The following PITPNM2 variants were observed in gnomAD, a reference collection of about 807,000 sequenced individuals.
The protein encoded by PITPNM2 is phosphatidylinositol transfer protein membrane associated 2, also known as membrane-associated phosphatidylinositol transfer protein 2.
A neutral mutation model predicts 132.2 loss-of-function variants in PITPNM2; 35 were observed. The observed-to-expected ratio is 0.26, with a 90% CI of 0.20 to 0.35. The LOEUF (loss-of-function observed/expected upper bound fraction) is 0.35, where lower values mean the gene tolerates loss of function less well. Among genes scored for constraint, PITPNM2 ranks in the 10% least tolerant of loss-of-function variants. PITPNM2 has a pLI of 1.00. For synonymous variants in PITPNM2, 738 were observed against 799.2 expected, an observed-to-expected ratio of 0.92 and a Z score of 1.29; for missense variants, 1,332 against 1,912.0, an observed-to-expected ratio of 0.70 and a Z score of 5.66.
intron 5 of PITPNM2, among the ~76,000 whole-genome samples, chr12:123,012,009 G>T (rs1011941849): frequency 2.6e-5 from 4 of 152,238 alleles, no homozygotes; most frequent in African/African-American, 9.6e-5. Context: ...CCTCCACAGT[G>T]ACTTGGGCCT....
rs145843486 is a variant in PITPNM2 at position 123,128,198 on chromosome 12, G to A, written c.-199-17710C>T. Among the ~76,000 whole-genome samples, 7 of 134,386 alleles carry A rather than the reference G, an allele frequency of 5.2e-5. No homozygotes were observed. The East Asian group carries it at 1.4e-3, about 27-fold the overall frequency. The allele number at this position is 134,386 out of a possible 152,430, so 88.2% of individuals were successfully genotyped here. A position where few individuals can be genotyped will look rare whatever the true frequency, so the allele number is the denominator to read the frequency against. On this transcript the variant is annotated intron_variant, in intron 1 of 25. Transcript: ENST00000320201. ...TATAATCCTACCACTTTGGGAGGCC[G>A]AGGGGGATCACTTAAGCTCAGGCAT...
chr12:123,070,382 C>T (rs894363096), intron 2 of PITPNM2, among the ~76,000 whole-genome samples: 2 of 152,178 alleles, frequency 1.3e-5, no homozygotes, highest in African/African-American at 4.8e-5. Context: ...ATCCAAGGGC[C>T]CCAGGACCGT....
In PITPNM2 at chr12:123,031,308, A is replaced by C. The variant is rs1294886401; in HGVS notation, c.78+3205T>G. ...TTGCCCCTCAGAGGGCACACGACCT[A>C]TGGGCCTGGCAATATCTTGGAGCTC... On this transcript the variant is annotated intron_variant, in intron 3 of 25. Coordinates refer to ENST00000320201, the MANE Select transcript of PITPNM2 (RefSeq NM_020845.3). This position sits in a 1 kb window ranked among gnomAD's most constrained non-coding sequence, Gnocchi z 4.5. 6.6e-6 allele frequency among the ~76,000 whole-genome samples: 1 copy of C among 152,202 alleles called. No individual in the cohort carries two copies. The highest frequency in any genetic ancestry group is 1.5e-5 in the Non-Finnish European group (1 of 68,026).
At chr12:122,995,023 C>G in intron 14 of PITPNM2, 44 bp from the exon 15 acceptor site, 1 of 1,514,310 alleles carries the variant, frequency 6.6e-7, no homozygotes, top group South Asian at 1.2e-5. Context: ...GGTGCAGCTG[C>G]CATCATCTGC....
chr12:123,081,737 C>G (rs1014746547), intron 2 of PITPNM2: 1 of 152,224 alleles, frequency 6.6e-6, no homozygotes, highest in Non-Finnish European at 1.5e-5. Context: ...CGGGAGCAGA[C>G]CCAGGGGAAG....
intron 2 of PITPNM2, among the ~76,000 whole-genome samples, chr12:123,080,822 C>T (rs548750332): frequency 4.0e-4 from 61 of 152,328 alleles, no homozygotes; most frequent in African/African-American, 1.4e-3. Flanking sequence ...ATCTCTACCC[C>T]ATGGGTTTGC....
intron 5 of PITPNM2, among the ~76,000 whole-genome samples, chr12:123,011,926 TG>T (rs71085867): frequency 2.8e-4 from 43 of 151,510 alleles, no homozygotes; most frequent in Middle Eastern, 6.8e-3. Context: ...CCAGCAGAGG[TG>T]GGGGGGTTGG....
At chr12:123,014,133 A>C in intron 3 of PITPNM2, 91 bp from the exon 4 acceptor site, 1 of 1,393,642 alleles carries the variant, frequency 7.2e-7, no homozygotes, top group Middle Eastern at 2.4e-4. Flanking sequence ...GGGGTGTGGA[A>C]AGGGAGGAGG....
chr12:123,033,519 C>T (rs2040163697), intron 3 of PITPNM2, among the ~76,000 whole-genome samples: 2 of 152,194 alleles, frequency 1.3e-5, no homozygotes, highest in African/African-American at 4.8e-5. Flanking sequence ...AGGAGCCTGT[C>T]ATCCTCAAAC....
At chr12:123,129,343 C>A (rs929832782) in intron 1 of PITPNM2, among the ~76,000 whole-genome samples, 1 of 151,868 alleles carries the variant, frequency 6.6e-6, no homozygotes, top group African/African-American at 2.4e-5. Context: ...CCGAGGCGGG[C>A]GGATCACGAG....
At chr12:123,071,945 G>T (rs2041631988) in intron 2 of PITPNM2, among the ~76,000 whole-genome samples, 1 of 152,178 alleles carries the variant, frequency 6.6e-6, no homozygotes, top group Admixed American at 6.5e-5. Flanking sequence ...CTAGAGTCCT[G>T]GAAAGGGGAC....
chr12:123,135,388 C>A (rs1238913315), intron 1 of PITPNM2, among the ~76,000 whole-genome samples: 2 of 152,126 alleles, frequency 1.3e-5, no homozygotes, highest in Admixed American at 1.3e-4. Context: ...CATATGACCC[C>A]CCCCCTTAAC....
chr12:123,024,122 T>C lies in PITPNM2; in HGVS notation c.79-10080A>G, dbSNP rs574795948. On this transcript the variant is annotated intron_variant, in intron 3 of 25. Transcript: ENST00000320201. ...AGTAAGAATAATAAAGGCAAAGAAC[T>C]TGAACAGACATTTCTACAAAAAGAT... 3.3e-5 allele frequency among the ~76,000 whole-genome samples: 5 copies of C among 152,248 alleles called. No homozygotes were observed. The South Asian group carries it at 1.0e-3, about 32-fold the overall frequency.
intron 2 of PITPNM2, among the ~76,000 whole-genome samples, chr12:123,057,460 G>C (rs1028564510): frequency 6.6e-6 from 1 of 151,934 alleles, no homozygotes; most frequent in Non-Finnish European, 1.5e-5. Flanking sequence ...GAAGAACTAA[G>C]GAAAGAATGT....
At chr12:123,057,722 G>A (rs1159933606) in intron 2 of PITPNM2, among the ~76,000 whole-genome samples, 1 of 152,160 alleles carries the variant, frequency 6.6e-6, no homozygotes, top group Non-Finnish European at 1.5e-5. Flanking sequence ...ACAAGCGGCT[G>A]AGCCTCCTGG....
rs746018318 is a variant in PITPNM2 at position 123,000,810 on chromosome 12, C to T, written c.1192G>A (p.Ala398Thr). The T allele has an allele frequency of 3.1e-6, 5 of 1,614,080 alleles. No homozygotes were observed. The South Asian group carries it at 4.4e-5, about 14-fold the overall frequency. Reference sequence around the variant, plus strand: ...ATGTTCAGCTGCTCCACACTGGAGGCCACCCTGAACTCAGGGGCACCCTGG... The same window carrying T: ...ATGTTCAGCTGCTCCACACTGGAGGTCACCCTGAACTCAGGGGCACCCTGG... ...YRQGAPEFRV[A>T]SSVEQLNIIE... is the part of the protein sequence containing the mutation. Residue 398 changes from alanine (A) to threonine (T), a missense_variant, in exon 10 of 26, where the codon GCC (alanine) becomes ACC (threonine). Ala to Thr is a moderately conservative substitution (Grantham distance 58). Coordinates refer to ENST00000320201, the MANE Select transcript of PITPNM2 (RefSeq NM_020845.3). This position sits in a 1 kb window ranked among gnomAD's most constrained non-coding sequence, Gnocchi z 5.4.
chr12:122,984,650 C>A lies in PITPNM2; in HGVS notation c.*1377G>T, dbSNP rs1451404922. 6.6e-6 allele frequency: 1 copy of A among 152,242 alleles called. No homozygotes were observed. The highest frequency in any genetic ancestry group is 1.5e-5 in the Non-Finnish European group (1 of 68,078). 9.4% of individuals were successfully genotyped at this position (152,242 alleles called of 1,614,324 possible). A position where few individuals can be genotyped will look rare whatever the true frequency, so the allele number is the denominator to read the frequency against. On this transcript the variant is annotated 3_prime_UTR_variant, in exon 26 of 26. Transcript: ENST00000320201. ...GAAAAAGTTAACATCACTCTGTGCA[C>A]CTCCCCAGCCCGGTCCATGCGTCCC...
At chr12:122,987,214 G>C (rs1403675454) in intron 23 of PITPNM2, 67 bp downstream of exon 23, 1 of 1,591,466 alleles carries the variant, frequency 6.3e-7, no homozygotes, top group African/African-American at 1.3e-5. Flanking sequence ...TCCTCCACCT[G>C]GCTGGTGGGA....
intron 2 of PITPNM2, among the ~76,000 whole-genome samples, chr12:123,040,680 C>T (rs1367950434): frequency 6.6e-6 from 1 of 151,536 alleles, no homozygotes; most frequent in East Asian, 1.9e-4. Flanking sequence ...TCATGTAGAA[C>T]ATGATACTTT....
Sources: gnomAD v4.1 joint callset for allele counts (sites outside exome capture counted in the v4.1 genomes callset) on GRCh38, gnomAD v4.1.1 for gene constraint, Gnocchi (gnomAD v3.1) non-coding constraint, MANE v1.5 for transcripts, NCBI Gene and HGNC (gene_info 2026-07-23, HGNC 2026-07-21) for gene names.